LONP2: variants seen among roughly 807,000 people sequenced by gnomAD.
LONP2 encodes lon peptidase 2, peroxisomal.
LONP2 carries 60 observed loss-of-function variants against 85.6 expected under a neutral mutation model. The observed-to-expected ratio is 0.70, with a 90% CI of 0.57 to 0.87. LONP2 has a LOEUF of 0.87. LONP2 is among the 40% of genes least tolerant of loss of function. The pLI, the probability that LONP2 is intolerant of heterozygous loss-of-function variation, is 0.00. For synonymous variants in LONP2, 395 were observed against 389.7 expected, an observed-to-expected ratio of 1.01 and a Z score of -0.16; for missense variants, 860 against 1,063.5, an observed-to-expected ratio of 0.81 and a Z score of 2.66.
At chr16:48,307,195 T>C (rs942851037) in intron 11 of LONP2, among the ~76,000 whole-genome samples, 1 of 152,180 alleles carries the variant, frequency 6.6e-6, no homozygotes, top group Non-Finnish European at 1.5e-5. Context: ...CGGAGGAACA[T>C]TTATGGTTTC....
chr16:48,289,197 A>T (rs964806384), intron 8 of LONP2, among the ~76,000 whole-genome samples: 8 of 152,170 alleles, frequency 5.3e-5, no homozygotes, highest in South Asian at 2.1e-4. Context: ...TAATTTAGGA[A>T]GTATATTTGG....
intron 2 of LONP2, 56 bp from the exon 3 acceptor site, chr16:48,256,554 A>T: frequency 6.3e-7 from 1 of 1,577,184 alleles, no homozygotes; most frequent in Non-Finnish European, 8.7e-7. Context: ...TCTGATTTTT[A>T]AAAATTCACA....
At chr16:48,323,467 C>T (rs1973307342) in intron 11 of LONP2, among the ~76,000 whole-genome samples, 1 of 151,984 alleles carries the variant, frequency 6.6e-6, no homozygotes, top group Non-Finnish European at 1.5e-5. Flanking sequence ...TTAACCTGGC[C>T]AACATGGCAA....
intron 11 of LONP2, among the ~76,000 whole-genome samples, chr16:48,320,967 T>C (rs1380941952): frequency 6.6e-6 from 1 of 152,208 alleles, no homozygotes; most frequent in African/African-American, 2.4e-5. Context: ...AGAGTCTGGC[T>C]CTGTTACCCG....
At chr16:48,348,980 T>C (rs1239067144) in intron 14 of LONP2, among the ~76,000 whole-genome samples, 1 of 152,188 alleles carries the variant, frequency 6.6e-6, no homozygotes, top group Non-Finnish European at 1.5e-5. Context: ...TGAAGTTTCT[T>C]TGAGACCTCC....
intron 12 of LONP2, among the ~76,000 whole-genome samples, chr16:48,340,640 A>C (rs1436517815): frequency 2.0e-5 from 3 of 152,232 alleles, no homozygotes; most frequent in Non-Finnish European, 4.4e-5. Context: ...AAAATGATGG[A>C]TTAGTTCATT....
intron 11 of LONP2, among the ~76,000 whole-genome samples, chr16:48,328,465 A>C (rs1326414093): frequency 6.6e-6 from 1 of 151,748 alleles, no homozygotes; most frequent in African/African-American, 2.4e-5. Context: ...GGATCACGAT[A>C]TCAGGAGTTC....
intron 11 of LONP2, among the ~76,000 whole-genome samples, chr16:48,319,140 G>C (rs1489417606): frequency 6.6e-6 from 1 of 152,140 alleles, no homozygotes; most frequent in East Asian, 1.9e-4. Flanking sequence ...GGCACTTTGG[G>C]AGGCCGAGGC....
At chr16:48,277,269 G>T in intron 7 of LONP2, 69 bp from the exon 8 acceptor site, 1 of 1,491,166 alleles carries the variant, frequency 6.7e-7, no homozygotes, top group South Asian at 1.2e-5. Flanking sequence ...CCTAAGTTTT[G>T]ATTTCTGAAT....
chr16:48,360,355 A>G (rs1960535114), downstream of LONP2, among the ~76,000 whole-genome samples: 1 of 152,128 alleles, frequency 6.6e-6, no homozygotes, highest in Non-Finnish European at 1.5e-5. Context: ...GGGGCAGGGC[A>G]TGGGAAAGAC....
downstream of LONP2, chr16:48,361,967 G>A: frequency 6.2e-7 from 1 of 1,614,128 alleles, no homozygotes; most frequent in South Asian, 1.1e-5. Context: ...GGGTTGTAAT[G>A]GACTTATGCT....
intron 8 of LONP2, among the ~76,000 whole-genome samples, chr16:48,288,764 A>G (rs1189932290): frequency 4.0e-5 from 6 of 151,580 alleles, no homozygotes; most frequent in African/African-American, 1.5e-4. Flanking sequence ...CTTCTTAAAC[A>G]CCCTGTCTCC....
chr16:48,297,180 G>A (rs1404950139), intron 9 of LONP2, among the ~76,000 whole-genome samples: 1 of 152,052 alleles, frequency 6.6e-6, no homozygotes, highest in Non-Finnish European at 1.5e-5. Context: ...GGTAATTTTT[G>A]TATTTTTAGT....
chr16:48,311,585 G>C (rs1037707218), intron 11 of LONP2, among the ~76,000 whole-genome samples: 1 of 151,542 alleles, frequency 6.6e-6, no homozygotes, highest in Non-Finnish European at 1.5e-5. Context: ...TGACTTCTTT[G>C]TATTAGTTTT....
At chr16:48,340,198 G>C (rs1281994951) in intron 12 of LONP2, among the ~76,000 whole-genome samples, 1 of 152,136 alleles carries the variant, frequency 6.6e-6, no homozygotes, top group Non-Finnish European at 1.5e-5. Flanking sequence ...AAGTTGCAAG[G>C]CAGCCTCTTA....
At chr16:48,312,865 C>T (rs969007069) in intron 11 of LONP2, among the ~76,000 whole-genome samples, 10 of 152,050 alleles carry the variant, frequency 6.6e-5, no homozygotes, top group African/African-American at 2.4e-4. Context: ...TCTCAGGTAC[C>T]GAGCTGGGCC....
At chr16:48,244,827 C>T (rs972474887) in intron 1 of LONP2, among the ~76,000 whole-genome samples, 1 of 152,198 alleles carries the variant, frequency 6.6e-6, no homozygotes, top group African/African-American at 2.4e-5. Context: ...TGAAGTAGTG[C>T]CTGACACCTG....
intron 6 of LONP2, among the ~76,000 whole-genome samples, chr16:48,265,990 T>C (rs1971981013): frequency 6.6e-6 from 1 of 152,122 alleles, no homozygotes; most frequent in Non-Finnish European, 1.5e-5. Context: ...TGAGATTGTT[T>C]CCTTAATTTC....
intron 8 of LONP2, among the ~76,000 whole-genome samples, chr16:48,295,332 A>T (rs757351858): frequency 6.6e-6 from 1 of 152,226 alleles, no homozygotes; most frequent in Non-Finnish European, 1.5e-5. Flanking sequence ...AGATTGTGCC[A>T]CTGCACTCCA....
Sources: gnomAD v4.1 joint callset for allele counts (sites outside exome capture counted in the v4.1 genomes callset) on GRCh38, gnomAD v4.1.1 for gene constraint, MANE v1.5 for transcripts, NCBI Gene and HGNC (gene_info 2026-07-23, HGNC 2026-07-21) for gene names.